NCKAP5: variants seen among roughly 807,000 people sequenced by gnomAD.
NCKAP5 encodes NCK associated protein 5.
A neutral mutation model predicts 167.0 loss-of-function variants in NCKAP5; 92 were observed. That is an observed-to-expected ratio of 0.55 (90% CI 0.47 to 0.66). The LOEUF is 0.66. Ranked by LOEUF, NCKAP5 falls within the 30% of genes least tolerant of loss-of-function variation. The probability of loss-of-function intolerance (pLI) is 0.00; values close to 1 mark genes in which losing one functional copy is unlikely to be tolerated. For synonymous variants in NCKAP5, 891 were observed against 877.4 expected, an observed-to-expected ratio of 1.02 and a Z score of -0.27; for missense variants, 2,378 against 2,315.0, an observed-to-expected ratio of 1.03 and a Z score of -0.56.
At chr2:133,052,318 C>T (rs1289925020) in intron 6 of NCKAP5, among the ~76,000 whole-genome samples, 2 of 152,124 alleles carry the variant, frequency 1.3e-5, no homozygotes, top group East Asian at 3.8e-4. Context: ...CATTCTGACA[C>T]CAAAGCTGAT....
At chr2:133,000,857 AG>A (rs2149330812) in intron 6 of NCKAP5, among the ~76,000 whole-genome samples, 1 of 152,342 alleles carries the variant, frequency 6.6e-6, no homozygotes, top group South Asian at 2.1e-4. Context: ...AACTATGCTA[AG>A]TTAAAGAAGC....
chr2:133,522,136 A>G (rs1050554504), intron 2 of NCKAP5, among the ~76,000 whole-genome samples: 6 of 152,224 alleles, frequency 3.9e-5, no homozygotes, highest in Non-Finnish European at 8.8e-5. Flanking sequence ...GCAATGGGAA[A>G]GAAGAAGCCA....
intron 12 of NCKAP5, among the ~76,000 whole-genome samples, chr2:132,794,202 C>A (rs992105539): frequency 8.5e-6 from 1 of 118,258 alleles, no homozygotes; most frequent in Non-Finnish European, 1.7e-5. Flanking sequence ...GGTGTTGCTA[C>A]TATTATTAAA....
At chr2:133,163,855 G>A (rs989537934) in intron 5 of NCKAP5, among the ~76,000 whole-genome samples, 2 of 152,168 alleles carry the variant, frequency 1.3e-5, no homozygotes, top group Non-Finnish European at 2.9e-5. Flanking sequence ...AAAGATTCCT[G>A]TTATTTGGAG....
the NCKAP5 span, among the ~76,000 whole-genome samples, chr2:133,647,100 G>A: frequency 1.3e-5 from 2 of 152,104 alleles, no homozygotes; most frequent in African/African-American, 4.8e-5. Context: ...TAACAGAGGA[G>A]GCCAAGGCAA....
chr2:133,603,890 C>T, the NCKAP5 span, among the ~76,000 whole-genome samples: 1 of 152,222 alleles, frequency 6.6e-6, no homozygotes, highest in South Asian at 2.1e-4. Flanking sequence ...GTTCTGATCT[C>T]TTAGCAACCA....
chr2:133,001,459 C>T (rs2077778585), intron 6 of NCKAP5, among the ~76,000 whole-genome samples: 1 of 152,064 alleles, frequency 6.6e-6, no homozygotes, highest in Admixed American at 6.6e-5. Flanking sequence ...AGCTTCATGC[C>T]TCAGCCTCCC....
At chr2:133,240,415 C>T (rs1346990066) in intron 4 of NCKAP5, among the ~76,000 whole-genome samples, 1 of 152,084 alleles carries the variant, frequency 6.6e-6, no homozygotes, top group Non-Finnish European at 1.5e-5. Context: ...CAAATTGCTC[C>T]AATACAGTGT....
At chr2:133,455,916 G>A (rs1285590992) in intron 3 of NCKAP5, among the ~76,000 whole-genome samples, 1 of 152,036 alleles carries the variant, frequency 6.6e-6, no homozygotes, top group African/African-American at 2.4e-5. Flanking sequence ...AGGCAAAAAC[G>A]CACTGTAACT....
chr2:133,224,894 C>T (rs1239411723), intron 4 of NCKAP5, among the ~76,000 whole-genome samples: 1 of 152,124 alleles, frequency 6.6e-6, no homozygotes, highest in Admixed American at 6.5e-5. Flanking sequence ...ATATATACTT[C>T]TTATAAATCA....
intron 8 of NCKAP5, among the ~76,000 whole-genome samples, chr2:132,890,906 T>C (rs1191311320): frequency 1.3e-5 from 2 of 152,168 alleles, no homozygotes; most frequent in Non-Finnish European, 2.9e-5. Context: ...TCTGACCACC[T>C]ACAGAGAAAC....
the NCKAP5 span, among the ~76,000 whole-genome samples, chr2:133,610,809 T>TC: frequency 6.6e-6 from 1 of 152,208 alleles, no homozygotes; most frequent in Non-Finnish European, 1.5e-5. Flanking sequence ...CTTCTTTTTA[T>TC]TTACATTTTC....
chr2:133,637,488 A>C, the NCKAP5 span, among the ~76,000 whole-genome samples: 2 of 149,252 alleles, frequency 1.3e-5, no homozygotes, highest in African/African-American at 2.5e-5. Context: ...AAAAAAAAAA[A>C]AAAAAAAAAA....
At chr2:132,750,525 T>G (rs1225129792) in intron 16 of NCKAP5, among the ~76,000 whole-genome samples, 1 of 151,936 alleles carries the variant, frequency 6.6e-6, no homozygotes, top group African/African-American at 2.4e-5. Flanking sequence ...GACTTGGGAG[T>G]ACAGTCTTGG....
chr2:132,884,078 AG>A (rs1488634208), intron 8 of NCKAP5, among the ~76,000 whole-genome samples: 2 of 152,126 alleles, frequency 1.3e-5, no homozygotes, highest in Non-Finnish European at 2.9e-5. Context: ...TTTCTTCTTC[AG>A]GTTACAGTTT....
At chr2:133,426,060 A>T (rs1689775049) in intron 3 of NCKAP5, among the ~76,000 whole-genome samples, 2 of 152,266 alleles carry the variant, frequency 1.3e-5, no homozygotes, top group African/African-American at 4.8e-5. Context: ...TCACGAGGTC[A>T]GGAGTTCAAG....
At chr2:132,864,977 A>G (rs1437537045) in intron 10 of NCKAP5, among the ~76,000 whole-genome samples, 1 of 151,984 alleles carries the variant, frequency 6.6e-6, no homozygotes, top group Non-Finnish European at 1.5e-5. Flanking sequence ...TGTATCTCTC[A>G]CTAGCTTCAT....
At chr2:132,898,622 A>G (rs1450594948) in intron 8 of NCKAP5, among the ~76,000 whole-genome samples, 1 of 152,250 alleles carries the variant, frequency 6.6e-6, no homozygotes, top group Non-Finnish European at 1.5e-5. Context: ...GAGCTGCAGA[A>G]TGAATGTTGT....
chr2:133,482,731 G>T (rs1260980480), intron 3 of NCKAP5, among the ~76,000 whole-genome samples: 1 of 151,878 alleles, frequency 6.6e-6, no homozygotes, highest in Non-Finnish European at 1.5e-5. Context: ...TGTTTTTCAT[G>T]GTGGCTTTAC....
Sources: allele counts gnomAD v4.1 joint callset (sites outside exome capture counted in the v4.1 genomes callset), GRCh38; gene constraint gnomAD v4.1.1; transcripts MANE v1.5; gene names NCBI Gene and HGNC (gene_info 2026-07-23, HGNC 2026-07-21).